The following NPHP1 variants were observed in gnomAD, a reference collection of about 807,000 sequenced individuals.
NPHP1 encodes nephrocystin 1, also known as nephrocystin-1.
Under a neutral mutation model 90.4 loss-of-function variants are expected in NPHP1, and 70 were observed. The observed-to-expected ratio is 0.77, with a 90% CI of 0.64 to 0.95. NPHP1 has a LOEUF of 0.95. Among genes scored for constraint, NPHP1 ranks in the 40% least tolerant of loss-of-function variants. NPHP1 has a pLI of 0.00. For missense variants in NPHP1, 764 were observed against 795.9 expected (o/e 0.96, Z 0.48); for synonymous variants, 256 against 271.7 (o/e 0.94, Z 0.57).
intron 16 of NPHP1, among the ~76,000 whole-genome samples, chr2:110,134,938 T>A (rs1479430823): frequency 6.6e-6 from 1 of 152,080 alleles, no homozygotes; most frequent in Non-Finnish European, 1.5e-5. Flanking sequence ...AGGATCCTGC[T>A]CCTGCCACTT....
intron 2 of NPHP1, among the ~76,000 whole-genome samples, chr2:110,195,402 C>T (rs1410392159): frequency 6.6e-6 from 1 of 152,092 alleles, no homozygotes; most frequent in Non-Finnish European, 1.5e-5. Flanking sequence ...CTCCCATTCA[C>T]AATTGCTACA....
rs1682589282 is a variant in NPHP1 at position 110,164,660 on chromosome 2, C to T, written c.771+28G>A. On this transcript the variant is annotated intron_variant, in intron 8 of 19. Transcript: ENST00000445609. ...AGAACTATTAGGTAGCAAAACGAGA[C>T]ATGATTAACAAGACAGAAGATGCCC... 2.5e-6 allele frequency: 4 copies of T among 1,613,938 alleles called. No individual in the cohort carries two copies. The East Asian group carries it at 8.9e-5, about 36-fold the overall frequency.
chr2:110,139,073 A>G (rs1352867560), intron 16 of NPHP1, among the ~76,000 whole-genome samples: 1 of 152,120 alleles, frequency 6.6e-6, no homozygotes, highest in Non-Finnish European at 1.5e-5. Context: ...CAATGAACAC[A>G]ATGAATGGGT....
intron 11 of NPHP1, among the ~76,000 whole-genome samples, chr2:110,150,703 C>A (rs1286822391): frequency 6.6e-6 from 1 of 151,860 alleles, no homozygotes; most frequent in Non-Finnish European, 1.5e-5. Context: ...GTCCCTGTCA[C>A]CACGCCCAGC....
In NPHP1 at chr2:110,125,110, G is replaced by A. The variant is rs535364009; in HGVS notation, c.1761+527C>T. ...TAGTGTGACAGAGACCACAAGACCT[G>A]AAAAGCCAAGAAGATTTTCCATCTA... On this transcript the variant is annotated intron_variant, in intron 19 of 19. Coordinates refer to ENST00000445609, the MANE Select transcript of NPHP1 (RefSeq NM_001128178.3). 32 of 1,356,154 alleles carry A rather than the reference G, an allele frequency of 2.4e-5. No homozygotes were observed. The African/African-American group carries it at 3.8e-4, about 16-fold the overall frequency. The allele number at this position is 1,356,154 out of a possible 1,614,324, so 84.0% of individuals were successfully genotyped here. A position where few individuals can be genotyped will look rare whatever the true frequency, so the allele number is the denominator to read the frequency against.
Position 110,178,692 on chromosome 2 carries a change from T to C in NPHP1, c.205-145A>G, listed in dbSNP as rs112623366. Reference sequence around the variant, plus strand: ...ACCTATCTTAGGGAAATAAATTAGATTTAAAAGAAACAGGCAATTGTGTTG... The same window carrying C: ...ACCTATCTTAGGGAAATAAATTAGACTTAAAAGAAACAGGCAATTGTGTTG... On this transcript the variant is annotated intron_variant, in intron 3 of 19. Coordinates refer to ENST00000445609, the MANE Select transcript of NPHP1 (RefSeq NM_001128178.3). 2,220 of 687,098 alleles carry C rather than the reference T, an allele frequency of 3.2e-3. 40 individuals carry two copies. In the African/African-American group the frequency reaches 0.036, roughly 11 times the overall value. The allele number at this position is 687,098 out of a possible 1,614,324, so 42.6% of individuals were successfully genotyped here.
chr2:110,184,818 C>T (rs1684168138), intron 2 of NPHP1: 2 of 708,372 alleles, frequency 2.8e-6, no homozygotes, highest in Admixed American at 3.5e-5. Context: ...GATGGCAGCA[C>T]CATTGAGATT....
intron 6 of NPHP1, among the ~76,000 whole-genome samples, chr2:110,165,409 TAAG>T (rs2075518997): frequency 6.6e-6 from 1 of 151,766 alleles, no homozygotes; most frequent in South Asian, 2.1e-4. Flanking sequence ...TTTGAAAAAA[TAAG>T]AACTGAGATA....
intron 16 of NPHP1, among the ~76,000 whole-genome samples, chr2:110,141,829 A>C (rs954251091): frequency 6.6e-6 from 1 of 151,618 alleles, no homozygotes; most frequent in African/African-American, 2.4e-5. Flanking sequence ...AAAAATTAGC[A>C]GGGCGTGGTG....
intron 16 of NPHP1, among the ~76,000 whole-genome samples, chr2:110,133,771 C>T (rs1294330222): frequency 7.9e-6 from 1 of 126,424 alleles, no homozygotes; most frequent in African/African-American, 3.2e-5. Flanking sequence ...AAACAACATA[C>T]TTAAACAACA....
rs768169550 is a variant in NPHP1 at position 110,147,913 on chromosome 2, T to G, written c.1269+3A>C. ...AGAAAGCCTTATCTTTCAACGGACA[T>G]ACATTGCGAATATAAGAAATTCCAA... On this transcript the variant is annotated splice_donor_region_variant and intron_variant, in intron 13 of 19. Coordinates refer to ENST00000445609, the MANE Select transcript of NPHP1 (RefSeq NM_001128178.3). 1.3e-6 allele frequency: 2 copies of G among 1,488,096 alleles called. No homozygotes were observed. Among genetic ancestry groups the G allele is most frequent in the Non-Finnish European group, 9.4e-7 (1 of 1,064,814 alleles). The allele number at this position is 1,488,096 out of a possible 1,614,324, so 92.2% of individuals were successfully genotyped here. A position where few individuals can be genotyped will look rare whatever the true frequency, so the allele number is the denominator to read the frequency against.
intron 14 of NPHP1, among the ~76,000 whole-genome samples, chr2:110,145,711 T>TA: frequency 6.6e-6 from 1 of 152,206 alleles, no homozygotes; most frequent in African/African-American, 2.4e-5. Flanking sequence ...TCTACCTCAT[T>TA]TAAAAAAATA....
chr2:110,186,850 GA>G (rs1272113412), intron 2 of NPHP1, among the ~76,000 whole-genome samples: 2 of 151,970 alleles, frequency 1.3e-5, no homozygotes, highest in African/African-American at 2.4e-5. Context: ...TTAAAAAAAA[GA>G]AAGAAAGAAA....
chr2:110,201,538 G>T, intron 1 of NPHP1, 44 bp from the exon 2 acceptor site: 3 of 1,351,704 alleles, frequency 2.2e-6, no homozygotes, highest in East Asian at 2.3e-5. Flanking sequence ...ATACCATATC[G>T]CCTTAGGAAA....
At chr2:110,129,383 C>T in intron 17 of NPHP1, 124 bp from the exon 18 acceptor site, 1 of 780,146 alleles carries the variant, frequency 1.3e-6, no homozygotes, top group Middle Eastern at 2.4e-4. Flanking sequence ...ACACATTCTA[C>T]ACACTTTGAC....
chr2:110,178,361 C>T (rs749183798), intron 4 of NPHP1, 62 bp downstream of exon 4: 24 of 1,494,366 alleles, frequency 1.6e-5, no homozygotes, highest in East Asian at 1.1e-4. Flanking sequence ...TTGAGTTAAA[C>T]ATTAAAGCTA....
At chr2:110,134,218 T>C (rs140456388) in intron 16 of NPHP1, among the ~76,000 whole-genome samples, 159 of 152,150 alleles carry the variant, frequency 1.0e-3, no homozygotes, top group Middle Eastern at 3.4e-3. Flanking sequence ...CTATAAATAG[T>C]TGTATGCCAA....
chr2:110,181,931 A>C (rs1290220157), intron 2 of NPHP1, among the ~76,000 whole-genome samples: 3 of 152,312 alleles, frequency 2.0e-5, no homozygotes, highest in Non-Finnish European at 4.4e-5. Context: ...ACAGCCAATT[A>C]AGAGAGGAAC....
intron 2 of NPHP1, among the ~76,000 whole-genome samples, chr2:110,192,341 C>T (rs1199783272): frequency 6.6e-6 from 1 of 152,084 alleles, no homozygotes; most frequent in Non-Finnish European, 1.5e-5. Flanking sequence ...AACCATGGCA[C>T]AAGAACTACG....
Sources: allele counts gnomAD v4.1 joint callset (sites outside exome capture counted in the v4.1 genomes callset), GRCh38; gene constraint gnomAD v4.1.1; transcripts MANE v1.5; gene names NCBI Gene and HGNC (gene_info 2026-07-23, HGNC 2026-07-21).